CDH11: variants seen among roughly 807,000 people sequenced by gnomAD.
The protein encoded by CDH11 is cadherin-11.
In CDH11, 11 loss-of-function variants were observed where a neutral mutation model predicts 67.8. That is an observed-to-expected ratio of 0.16 (90% confidence interval 0.10 to 0.27). The LOEUF is 0.27. CDH11 is among the 10% of genes least tolerant of loss of function. The probability of loss-of-function intolerance (pLI) is 1.00; values close to 1 mark genes in which losing one functional copy is unlikely to be tolerated. For synonymous variants in CDH11, 419 were observed against 400.0 expected, an observed-to-expected ratio of 1.05 and a Z score of -0.57; for missense variants, 847 against 1,031.2, an observed-to-expected ratio of 0.82 and a Z score of 2.45.
At chr16:65,045,349 A>ATATATATATATATG (rs2073940933) in intron 2 of CDH11, among the ~76,000 whole-genome samples, 1 of 82,728 alleles carries the variant, frequency 1.2e-5, no homozygotes, top group African/African-American at 4.0e-5. Flanking sequence ...ATATATATAT[A>ATATATATATATATG]TATATATATA....
intron 1 of CDH11, among the ~76,000 whole-genome samples, chr16:65,106,906 G>A (rs1268866518): frequency 6.6e-6 from 1 of 151,334 alleles, no homozygotes; most frequent in Non-Finnish European, 1.5e-5. Context: ...TTCTGGGTGG[G>A]GAGAGTGCCA....
At chr16:65,072,887 T>C (rs546839692) in intron 1 of CDH11, among the ~76,000 whole-genome samples, 140 of 152,308 alleles carry the variant, frequency 9.2e-4, no homozygotes, top group African/African-American at 3.2e-3. Flanking sequence ...GAGATTAGGG[T>C]GTGCCTCCCA....
At chr16:64,949,845 A>G (rs1220285895) in intron 12 of CDH11, among the ~76,000 whole-genome samples, 4 of 152,176 alleles carry the variant, frequency 2.6e-5, no homozygotes, top group Non-Finnish European at 4.4e-5. Context: ...TGTCGAGCAC[A>G]GAGATCTCAT....
chr16:64,981,094 T>A (rs1175340383), intron 8 of CDH11: 1 of 84,244 alleles, frequency 1.2e-5, no homozygotes, highest in Non-Finnish European at 2.4e-5. Context: ...TCTTTCTTTC[T>A]TTCTTTTTTT....
At chr16:65,069,577 C>T (rs1410010580) in intron 1 of CDH11, among the ~76,000 whole-genome samples, 2 of 152,074 alleles carry the variant, frequency 1.3e-5, no homozygotes, top group Non-Finnish European at 2.9e-5. Context: ...TTTGTACAGC[C>T]AGGAAAAACT....
Position 64,945,345 on chromosome 16 carries a change from C to G in CDH11, c.*2258G>C. The G allele has an allele frequency of 1.5e-6, 1 of 686,590 alleles. No homozygotes were observed. The highest frequency in any genetic ancestry group is 1.8e-6 in the Non-Finnish European group (1 of 546,846). The allele number at this position is 686,590 out of a possible 1,614,324, so 42.5% of individuals were successfully genotyped here. ...GAAAAAGAAAAACAAGTATTCTTAA[C>G]TACTGAAAAGTAAACAGCCTTTTTA... On this transcript the variant is annotated 3_prime_UTR_variant, in exon 13 of 13. Transcript: ENST00000268603.
chr16:65,044,927 G>T (rs1047514709), intron 2 of CDH11, among the ~76,000 whole-genome samples: 1 of 152,066 alleles, frequency 6.6e-6, no homozygotes, highest in African/African-American at 2.4e-5. Flanking sequence ...CTGGGGAAGA[G>T]AGAATAGAGC....
chr16:64,975,837 A>G (rs1295723511), intron 8 of CDH11, among the ~76,000 whole-genome samples: 1 of 152,148 alleles, frequency 6.6e-6, no homozygotes, highest in Non-Finnish European at 1.5e-5. Flanking sequence ...CTACACATGT[A>G]CCCCCTGAAT....
At position 64,968,651 on chromosome 16, in the gene CDH11, G is replaced by C. The variant is rs74026213; in HGVS notation, c.1642+2928C>G. 2.0e-3 allele frequency: 1,255 copies of C among 642,338 alleles called. 19 individuals carry two copies. In the African/African-American group the frequency reaches 0.024, roughly 12 times the overall value. The allele number at this position is 642,338 out of a possible 1,614,324, so 39.8% of individuals were successfully genotyped here. Reference sequence around the variant, plus strand: ...CTTTTCCTCTTATATTTCTAAAAACGCTGAATGCTTATGCCGGAGTTTAGG... The same window carrying C: ...CTTTTCCTCTTATATTTCTAAAAACCCTGAATGCTTATGCCGGAGTTTAGG... On this transcript the variant is annotated intron_variant, in intron 11 of 12. Transcript: ENST00000268603.
intron 6 of CDH11, among the ~76,000 whole-genome samples, chr16:64,989,162 A>T (rs1001237044): frequency 2.0e-5 from 3 of 152,066 alleles, no homozygotes; most frequent in African/African-American, 4.8e-5. Flanking sequence ...AAAGTAGGGT[A>T]AAAGGGTGAG....
At chr16:64,997,964 T>C (rs2072815937) in intron 4 of CDH11, among the ~76,000 whole-genome samples, 1 of 152,210 alleles carries the variant, frequency 6.6e-6, no homozygotes, top group African/African-American at 2.4e-5. Flanking sequence ...AAATGTTTCA[T>C]TATGTGCATG....
chr16:65,069,932 C>T (rs2142764294), intron 1 of CDH11, among the ~76,000 whole-genome samples: 1 of 152,212 alleles, frequency 6.6e-6, no homozygotes, highest in Non-Finnish European at 1.5e-5. Flanking sequence ...CCCTCATGAG[C>T]TTGCATTGTA....
chr16:65,036,597 AG>A (rs1256471156), intron 2 of CDH11, among the ~76,000 whole-genome samples: 2 of 152,142 alleles, frequency 1.3e-5, no homozygotes, highest in East Asian at 3.9e-4. Flanking sequence ...ACCCATGTAA[AG>A]GGGCCTGTTC....
intron 1 of CDH11, among the ~76,000 whole-genome samples, chr16:65,098,371 C>T (rs1035088394): frequency 4.6e-5 from 7 of 152,148 alleles, no homozygotes; most frequent in African/African-American, 9.7e-5. Flanking sequence ...AAATATTACT[C>T]TAGCAGCAAG....
At chr16:65,061,450 T>C (rs2074235227) in intron 1 of CDH11, among the ~76,000 whole-genome samples, 1 of 152,258 alleles carries the variant, frequency 6.6e-6, no homozygotes, top group Non-Finnish European at 1.5e-5. Flanking sequence ...GCACAAATTA[T>C]TCAGCTTTGA....
chr16:65,123,418 T>C (rs1477849826), upstream of CDH11, among the ~76,000 whole-genome samples: 1 of 151,464 alleles, frequency 6.6e-6, no homozygotes, highest in East Asian at 2.0e-4. Flanking sequence ...CCAAGCAGTT[T>C]GAAAGGGCTA....
chr16:65,064,150 G>C (rs2074275166), intron 1 of CDH11, among the ~76,000 whole-genome samples: 1 of 152,198 alleles, frequency 6.6e-6, no homozygotes, highest in Non-Finnish European at 1.5e-5. Context: ...AGAAGGCCCA[G>C]AGGACCTTAT....
chr16:65,095,171 A>G (rs536850082), intron 1 of CDH11, among the ~76,000 whole-genome samples: 10 of 152,194 alleles, frequency 6.6e-5, no homozygotes, highest in Admixed American at 1.3e-4. Context: ...CATTCTTTCC[A>G]GTCTGCAACA....
intron 1 of CDH11, among the ~76,000 whole-genome samples, chr16:65,116,784 C>A (rs370279533): frequency 1.3e-5 from 2 of 152,130 alleles, no homozygotes; most frequent in South Asian, 4.2e-4. Flanking sequence ...GTACGAAGAT[C>A]AGAAATTGGC....
Sources: allele counts gnomAD v4.1 joint callset (sites outside exome capture counted in the v4.1 genomes callset), GRCh38; gene constraint gnomAD v4.1.1; transcripts MANE v1.5; gene names NCBI Gene and HGNC (gene_info 2026-07-23, HGNC 2026-07-21).